CTNND2: variants seen among roughly 807,000 people sequenced by gnomAD.
CTNND2 encodes catenin delta-2.
CTNND2 carries 22 observed loss-of-function variants against 144.4 expected under a neutral mutation model. The ratio of observed to expected loss-of-function variants is 0.15; its 90% CI spans 0.11 to 0.22. The LOEUF is 0.22. CTNND2 is among the 10% of genes least tolerant of loss of function. The probability of loss-of-function intolerance (pLI) is 1.00; values close to 1 mark genes in which losing one functional copy is unlikely to be tolerated. For synonymous variants in CTNND2, 751 were observed against 695.6 expected, an observed-to-expected ratio of 1.08 and a Z score of -1.25; for missense variants, 1,353 against 1,618.8, an observed-to-expected ratio of 0.84 and a Z score of 2.82.
At chr5:11,117,416 TCAAA>T (rs749525365) in intron 13 of CTNND2, 30 bp downstream of exon 13, 19 of 1,546,954 alleles carry the variant, frequency 1.2e-5, no homozygotes, top group Non-Finnish European at 1.6e-5. Flanking sequence ...GTCTTTATTC[TCAAA>T]CATGTTTAAT....
intron 3 of CTNND2, among the ~76,000 whole-genome samples, chr5:11,433,054 C>G (rs914878740): frequency 6.6e-6 from 1 of 152,168 alleles, no homozygotes; most frequent in Non-Finnish European, 1.5e-5. Context: ...ACCATCCTGG[C>G]TAACATGGTG....
intron 9 of CTNND2, among the ~76,000 whole-genome samples, chr5:11,268,416 C>T (rs1052725854): frequency 2.0e-5 from 3 of 152,060 alleles, no homozygotes; most frequent in Admixed American, 6.6e-5. Context: ...AACCTCATCT[C>T]TACTAAAAAG....
chr5:11,315,007 T>C (rs1026086439), intron 9 of CTNND2, among the ~76,000 whole-genome samples: 1 of 152,224 alleles, frequency 6.6e-6, no homozygotes, highest in African/African-American at 2.4e-5. Flanking sequence ...TAAAATTCAA[T>C]TATAACTGGG....
At chr5:11,766,313 G>A (rs4605783) in intron 1 of CTNND2, among the ~76,000 whole-genome samples, 2 of 152,052 alleles carry the variant, frequency 1.3e-5, no homozygotes, top group Non-Finnish European at 2.9e-5. Context: ...GTGGTGATAT[G>A]GTTTGGCTGT....
Position 11,209,493 on chromosome 5 carries a change from T to C in CTNND2, c.1762-9832A>G, listed in dbSNP as rs916746533. 3.9e-5 allele frequency among the ~76,000 whole-genome samples: 6 copies of C among 152,312 alleles called. No homozygotes were observed. In the South Asian group the frequency reaches 1.0e-3, roughly 26 times the overall value. On this transcript the variant is annotated intron_variant, in intron 10 of 21. Coordinates refer to ENST00000304623, the MANE Select transcript of CTNND2 (RefSeq NM_001332.4). ...TCTTAGAGAAGTTGACTATAGATCA[T>C]GTACATTCCAAGAATTTAAGAACTA... is the stretch of plus-strand genomic sequence containing the variant.
At chr5:11,029,585 T>C (rs1164890657) in intron 16 of CTNND2, among the ~76,000 whole-genome samples, 2 of 152,252 alleles carry the variant, frequency 1.3e-5, no homozygotes, top group Admixed American at 6.5e-5. Context: ...TTTTCAGTTA[T>C]TGATGTCACA....
chr5:11,558,321 T>C (rs1776388428), intron 3 of CTNND2, among the ~76,000 whole-genome samples: 2 of 150,950 alleles, frequency 1.3e-5, no homozygotes, highest in Admixed American at 6.6e-5. Context: ...ATAATGGTAA[T>C]ACTTTGGCTG....
In CTNND2 at chr5:11,816,607, AAG is replaced by A. The variant is rs530250228; in HGVS notation, c.38-84337_38-84336del. ...CAAGTGCAGAGCAGGTAGGGGAGGG[AAG>A]AGAGAGAGAGAGGGAAGAGGGAGAG... On this transcript the variant is annotated intron_variant, in intron 1 of 21. Coordinates refer to ENST00000304623, the MANE Select transcript of CTNND2 (RefSeq NM_001332.4). Among the ~76,000 whole-genome samples the A allele has an allele frequency of 4.9e-3, 590 of 121,554 alleles. 6 individuals are homozygous for A. Among genetic ancestry groups the A allele is most frequent in the African/African-American group, 9.1e-3 (286 of 31,576 alleles). 79.7% of individuals were successfully genotyped at this position (121,554 alleles called of 152,430 possible).
At chr5:11,371,191 C>A (rs1175199571) in intron 7 of CTNND2, among the ~76,000 whole-genome samples, 1 of 152,184 alleles carries the variant, frequency 6.6e-6, no homozygotes, top group Non-Finnish European at 1.5e-5. Flanking sequence ...AGCCTGTACT[C>A]TATGATAGTT....
intron 1 of CTNND2, among the ~76,000 whole-genome samples, chr5:11,749,123 G>C (rs999123311): frequency 1.3e-5 from 2 of 151,976 alleles, no homozygotes; most frequent in African/African-American, 4.8e-5. Context: ...AAGACATTTA[G>C]ACAGCAGATC....
rs1252293717 is a variant in CTNND2 at position 11,904,338 on chromosome 5, C to T, written c.-485G>A. ...GCCTCAGCCGCCGAGGGCGAGGCTC[C>T]TCCCGCGGCGCGCGGCAGCCTCAGC... On this transcript the variant is annotated 5_prime_UTR_variant, in exon 1 of 22. Transcript: ENST00000304623. This position sits in a 1 kb window ranked among gnomAD's most constrained non-coding sequence, Gnocchi z 4.2. Among the ~76,000 whole-genome samples the T allele has an allele frequency of 6.7e-6, 1 of 149,810 alleles. No homozygotes were observed. The highest frequency in any genetic ancestry group is 2.0e-4 in the East Asian group (1 of 5,048).
At chr5:11,364,959 C>T (rs548816693) in intron 7 of CTNND2, 69 bp from the exon 8 acceptor site, 52 of 1,377,648 alleles carry the variant, frequency 3.8e-5, no homozygotes, top group East Asian at 3.4e-4. Context: ...TAATCAAAGA[C>T]ATATTCAAAT....
chr5:11,032,314 T>C (rs1743564886), intron 16 of CTNND2, among the ~76,000 whole-genome samples: 1 of 152,248 alleles, frequency 6.6e-6, no homozygotes, highest in Admixed American at 6.5e-5. Flanking sequence ...TAAAAGGTTG[T>C]TTGATGTTTA....
intron 9 of CTNND2, among the ~76,000 whole-genome samples, chr5:11,240,621 C>A (rs1240381743): frequency 2.3e-5 from 3 of 133,248 alleles, no homozygotes; most frequent in Non-Finnish European, 4.8e-5. Context: ...CACCCCAACA[C>A]AGACGTACAT....
intron 2 of CTNND2, among the ~76,000 whole-genome samples, chr5:11,648,935 G>T (rs138508849): frequency 6.9e-4 from 105 of 152,266 alleles, no homozygotes; most frequent in South Asian, 1.0e-3. Flanking sequence ...TTGAACTTGT[G>T]CCACATTAAT....
chr5:11,552,245 G>A (rs115260357), intron 3 of CTNND2, among the ~76,000 whole-genome samples: 1,532 of 152,274 alleles, frequency 0.01, 10 homozygotes, highest in Non-Finnish European at 0.015. Flanking sequence ...ATCCCTCAGT[G>A]TGAAACACTA....
chr5:11,476,365 T>C (rs1767744136), intron 3 of CTNND2, among the ~76,000 whole-genome samples: 1 of 152,188 alleles, frequency 6.6e-6, no homozygotes, highest in Admixed American at 6.5e-5. Flanking sequence ...GTGAGTTATA[T>C]GCACGATTTC....
chr5:11,033,234 C>T (rs1374156474), intron 16 of CTNND2, among the ~76,000 whole-genome samples: 1 of 152,092 alleles, frequency 6.6e-6, no homozygotes, highest in East Asian at 1.9e-4. Context: ...ATGGACTTGA[C>T]AAGGATTACA....
chr5:11,103,836 G>A (rs1752154106), intron 14 of CTNND2, among the ~76,000 whole-genome samples: 1 of 152,120 alleles, frequency 6.6e-6, no homozygotes, highest in Non-Finnish European at 1.5e-5. Context: ...AAGAATTACA[G>A]GACAATTTAC....
Sources: gnomAD v4.1 joint callset for allele counts (sites outside exome capture counted in the v4.1 genomes callset) on GRCh38, gnomAD v4.1.1 for gene constraint, Gnocchi (gnomAD v3.1) non-coding constraint, MANE v1.5 for transcripts, NCBI Gene and HGNC (gene_info 2026-07-23, HGNC 2026-07-21) for gene names.